Variants in GFRA2 observed in about 807,000 individuals in gnomAD.
GFRA2 encodes the protein GDNF family receptor alpha 2, also known as GDNF family receptor alpha-2.
GFRA2 carries 17 observed loss-of-function variants against 48.3 expected under a neutral mutation model. The ratio of observed to expected loss-of-function variants is 0.35; its 90% CI spans 0.24 to 0.53. GFRA2 has a LOEUF of 0.53. Among genes scored for constraint, GFRA2 ranks in the 20% least tolerant of loss-of-function variants. The pLI, the probability that GFRA2 is intolerant of heterozygous loss-of-function variation, is 0.93. For missense variants in GFRA2, 660 were observed against 637.3 expected, an observed-to-expected ratio of 1.04 and a Z score of -0.38; for synonymous variants, 305 against 257.2, an observed-to-expected ratio of 1.19 and a Z score of -1.78.
intron 4 of GFRA2, among the ~76,000 whole-genome samples, chr8:21,729,346 A>T (rs1412954309): frequency 6.6e-6 from 1 of 152,128 alleles, no homozygotes; most frequent in Non-Finnish European, 1.5e-5. Context: ...AATTTTCTTT[A>T]AAAGTGGATA....
rs1801951023 is a variant in GFRA2, at chr8:21,693,121, AGAG to A, written c.*154_*156del. 1.6e-6 allele frequency: 1 copy of A among 628,032 alleles called. No homozygotes were observed. The highest frequency in any genetic ancestry group is 2.4e-6 in the Non-Finnish European group (1 of 418,638). 38.9% of individuals were successfully genotyped at this position (628,032 alleles called of 1,614,324 possible). On this transcript the variant is annotated 3_prime_UTR_variant, in exon 9 of 9. Transcript: ENST00000524240. The stretch of plus-strand genomic sequence containing the variant: ...CTGTTTGGTTTACAAAAACTTCTCC[AGAG>A]AAGAAACCTGGGAGGAGACAGGTTC...
At chr8:21,721,861 CAA>C (rs1803613523) in intron 4 of GFRA2, among the ~76,000 whole-genome samples, 2 of 152,120 alleles carry the variant, frequency 1.3e-5, no homozygotes, top group African/African-American at 4.8e-5. Context: ...AAGCACAGGG[CAA>C]ATATATTCTC....
intron 7 of GFRA2, among the ~76,000 whole-genome samples, chr8:21,695,039 A>C (rs888568668): frequency 6.6e-6 from 1 of 152,226 alleles, no homozygotes; most frequent in Admixed American, 6.5e-5. Context: ...CTTGAGGGGA[A>C]GAGAGGCATG....
chr8:21,765,773 C>G (rs558319930), intron 3 of GFRA2, among the ~76,000 whole-genome samples: 1 of 119,802 alleles, frequency 8.3e-6, no homozygotes, highest in South Asian at 3.3e-4. Context: ...ACTTCCCAAT[C>G]TGTTCCTCCT....
chr8:21,773,811 T>G (rs1335107801), intron 3 of GFRA2, among the ~76,000 whole-genome samples: 1 of 152,208 alleles, frequency 6.6e-6, no homozygotes, highest in Non-Finnish European at 1.5e-5. Flanking sequence ...CAACTGGCAG[T>G]GACTGTGCCC....
At chr8:21,702,129 C>T (rs1802513187) in intron 7 of GFRA2, among the ~76,000 whole-genome samples, 1 of 152,178 alleles carries the variant, frequency 6.6e-6, no homozygotes, top group African/African-American at 2.4e-5. Context: ...AAGCCCCCTG[C>T]TTGCAGCCAC....
intron 1 of GFRA2, among the ~76,000 whole-genome samples, chr8:21,809,853 G>T (rs1340994351): frequency 6.6e-6 from 1 of 152,150 alleles, no homozygotes; most frequent in African/African-American, 2.4e-5. Flanking sequence ...ATAGAACACG[G>T]CCCAGGAAGG....
chr8:21,718,177 G>T (rs112057759), intron 4 of GFRA2, among the ~76,000 whole-genome samples: 8,093 of 152,192 alleles, frequency 0.053, 647 homozygotes, highest in African/African-American at 0.18. Context: ...GAATCATGGA[G>T]GCAGGTCTTT....
intron 3 of GFRA2, among the ~76,000 whole-genome samples, chr8:21,768,793 C>T (rs1806303313): frequency 5.3e-5 from 8 of 152,146 alleles, no homozygotes; most frequent in Admixed American, 5.2e-4. Flanking sequence ...AGGCAGTCAT[C>T]CTGAGCTCTG....
chr8:21,753,928 C>T (rs915784718), intron 3 of GFRA2, among the ~76,000 whole-genome samples: 2 of 152,222 alleles, frequency 1.3e-5, no homozygotes, highest in African/African-American at 2.4e-5. Flanking sequence ...CCCATCACGG[C>T]GTGGCCACAG....
At position 21,705,984 on chromosome 8, in the gene GFRA2, G is replaced by A; in HGVS notation, c.852C>T (p.Ser284=). ...ACGCCTGGTAATTGTCCGCAGGGCAGCTGGTGACCGTCTGGTAGGAGGCTC... is the reference window on the plus strand; with the variant it reads ...ACGCCTGGTAATTGTCCGCAGGGCAACTGGTGACCGTCTGGTAGGAGGCTC... ...NCRASYQTVT[S]CPADNYQACL... is the part of the protein sequence containing the mutation. The change falls in exon 5 of 9, where the codon AGC becomes AGT. Residue 284 remains serine, a synonymous_variant. Transcript: ENST00000524240. The A allele has an allele frequency of 6.3e-7, 1 of 1,580,312 alleles. No individual in the cohort carries two copies. The highest frequency in any genetic ancestry group is 8.6e-7 in the Non-Finnish European group (1 of 1,162,818).
chr8:21,699,133 T>G (rs1289303907), intron 7 of GFRA2, among the ~76,000 whole-genome samples: 3 of 152,184 alleles, frequency 2.0e-5, no homozygotes, highest in Non-Finnish European at 4.4e-5. Flanking sequence ...CTTGTTAGCC[T>G]CGGTGCCTGG....
At chr8:21,783,247 G>A (rs1479132016) in intron 1 of GFRA2, 18 of 435,994 alleles carry the variant, frequency 4.1e-5, no homozygotes, top group South Asian at 1.7e-4. Context: ...GAGAGCTGGG[G>A]GCTGCATGGC....
upstream of GFRA2, among the ~76,000 whole-genome samples, chr8:21,791,137 T>A (rs1290348795): frequency 1.3e-5 from 2 of 152,216 alleles, no homozygotes; most frequent in Non-Finnish European, 2.9e-5. Context: ...CACTTTCTTT[T>A]AACTTCATTT....
At chr8:21,797,672 C>T (rs1017346133) in intron 2 of GFRA2, 3 of 152,134 alleles carry the variant, frequency 2.0e-5, no homozygotes, top group Admixed American at 6.5e-5. Context: ...GGATCTCCAT[C>T]TTTGTCTACT....
At chr8:21,693,973 T>C (rs146361444) in intron 8 of GFRA2, among the ~76,000 whole-genome samples, 2 of 149,220 alleles carry the variant, frequency 1.3e-5, no homozygotes, top group African/African-American at 4.9e-5. Context: ...GTCTTGGGTC[T>C]ATAAGTCATA....
intron 2 of GFRA2, among the ~76,000 whole-genome samples, chr8:21,796,321 C>T (rs1036025327): frequency 5.3e-5 from 8 of 152,352 alleles, no homozygotes; most frequent in Admixed American, 2.0e-4. Flanking sequence ...GCCAGGTACC[C>T]GAGGTCAAGG....
intron 7 of GFRA2, among the ~76,000 whole-genome samples, chr8:21,697,181 AGGAGAG>A (rs1802247655): frequency 7.6e-6 from 1 of 131,070 alleles, no homozygotes; most frequent in Non-Finnish European, 1.6e-5. Flanking sequence ...GAGGGGACAG[AGGAGAG>A]GGAGAGGGGA....
intron 1 of GFRA2, among the ~76,000 whole-genome samples, chr8:21,811,683 C>T (rs1433113082): frequency 6.6e-6 from 1 of 152,114 alleles, no homozygotes; most frequent in African/African-American, 2.4e-5. Flanking sequence ...TCCCCACAGG[C>T]TGTCCTAACA....
Sources: gnomAD v4.1 joint callset for allele counts (sites outside exome capture counted in the v4.1 genomes callset) on GRCh38, gnomAD v4.1.1 for gene constraint, MANE v1.5 for transcripts, NCBI Gene and HGNC (gene_info 2026-07-23, HGNC 2026-07-21) for gene names.